The following TNRC6C variants were observed in gnomAD, a reference collection of about 807,000 sequenced individuals.
TNRC6C encodes the protein trinucleotide repeat-containing gene 6C protein.
A neutral mutation model predicts 153.7 loss-of-function variants in TNRC6C; 20 were observed. That is an observed-to-expected ratio of 0.13 (90% CI 0.09 to 0.19). The LOEUF (loss-of-function observed/expected upper bound fraction) is 0.19. Ranked by LOEUF, TNRC6C falls within the 10% of genes least tolerant of loss-of-function variation. The pLI is 1.00. For synonymous variants in TNRC6C, 811 were observed against 841.4 expected (o/e 0.96, Z 0.63); for missense variants, 1,987 against 2,172.0 (o/e 0.91, Z 1.69).
At chr17:78,059,724 C>A (rs2072728082) in intron 3 of TNRC6C, among the ~76,000 whole-genome samples, 1 of 151,816 alleles carries the variant, frequency 6.6e-6, no homozygotes, top group African/African-American at 2.4e-5. Context: ...TGGCACACGC[C>A]TCTAGTCCCG....
At position 78,078,818 on chromosome 17, in the gene TNRC6C, C is replaced by T. The variant is rs186207159; in HGVS notation, c.3211-577C>T. Among the ~76,000 whole-genome samples, 11 of 151,994 alleles carry T rather than the reference C, an allele frequency of 7.2e-5. 1 individual carries two copies. Among genetic ancestry groups the T allele is most frequent in the South Asian group, 4.2e-4 (2 of 4,810 alleles). On this transcript the variant is annotated intron_variant, in intron 9 of 19. Transcript: ENST00000301624. ...CGTCTCTACTAAAAACACAAAAATT[C>T]GGGGTGGCTCACACCTGTAATCCCA...
At chr17:78,038,195 T>G (rs1327181453) in intron 2 of TNRC6C, among the ~76,000 whole-genome samples, 1 of 152,148 alleles carries the variant, frequency 6.6e-6, no homozygotes, top group East Asian at 1.9e-4. Flanking sequence ...TTTAAAAGTT[T>G]TGTACATGAA....
intron 1 of TNRC6C, among the ~76,000 whole-genome samples, chr17:77,976,182 A>G (rs535897932): frequency 3.9e-5 from 6 of 152,298 alleles, no homozygotes; most frequent in Non-Finnish European, 8.8e-5. Context: ...TCTGTTTCTC[A>G]CTATCACACA....
At chr17:78,013,515 T>G (rs1035752235) in intron 1 of TNRC6C, among the ~76,000 whole-genome samples, 4 of 152,200 alleles carry the variant, frequency 2.6e-5, no homozygotes, top group Admixed American at 2.0e-4. Context: ...TGCTATTTGC[T>G]TGGTACTGTG....
At chr17:78,060,794 G>C (rs183141407) in intron 3 of TNRC6C, among the ~76,000 whole-genome samples, 1 of 152,236 alleles carries the variant, frequency 6.6e-6, no homozygotes, top group East Asian at 1.9e-4. Context: ...CACTTATAAA[G>C]CTATGTAAGT....
exon 20 of TNRC6C, chr17:78,105,016 G>C: frequency 1.4e-6 from 1 of 728,616 alleles, no homozygotes; most frequent in Non-Finnish European, 1.9e-6. Flanking sequence ...AAAACAGTGC[G>C]GGCTGCGGTG....
In TNRC6C at chr17:78,050,015, A is replaced by G. The variant is rs372230584; in HGVS notation, c.953A>G (p.Asn318Ser). The G allele has an allele frequency of 3.6e-5, 58 of 1,613,704 alleles. No individual in the cohort carries two copies. The East Asian group carries it at 9.4e-4, about 26-fold the overall frequency. ...GCCTGGGGAAGGGGCAGTGGCAACAATGGCGTTGGTAATATCCATTCAGGA... is the reference window on the plus strand; with the variant it reads ...GCCTGGGGAAGGGGCAGTGGCAACAGTGGCGTTGGTAATATCCATTCAGGA... Residue 318 changes from asparagine (N) to serine (S), a missense_variant, in exon 3 of 20, where the codon AAT (asparagine) becomes AGT (serine). Asn to Ser is a conservative substitution (Grantham distance 46). Coordinates refer to ENST00000301624, the Ensembl canonical transcript of TNRC6C.
At chr17:77,979,856 A>T (rs1265450914) in intron 1 of TNRC6C, among the ~76,000 whole-genome samples, 1 of 152,248 alleles carries the variant, frequency 6.6e-6, no homozygotes, top group Non-Finnish European at 1.5e-5. Flanking sequence ...AAGGAGCGGC[A>T]GTAAAGACGG....
chr17:78,000,615 T>TCCCCCCCC (rs1410836302), upstream of TNRC6C, among the ~76,000 whole-genome samples: 51 of 13,530 alleles, frequency 3.8e-3, 6 homozygotes, highest in South Asian at 0.01. Flanking sequence ...TCTTTCTCCC[T>TCCCCCCCC]CCGCCCCCCC....
At chr17:77,977,891 C>CTTTTTT (rs528315933) in intron 1 of TNRC6C, among the ~76,000 whole-genome samples, 15 of 114,142 alleles carry the variant, frequency 1.3e-4, no homozygotes, top group South Asian at 5.7e-4. Context: ...TTTAAAACCT[C>CTTTTTT]TTTTTTTTTT....
intron 10 of TNRC6C, among the ~76,000 whole-genome samples, chr17:78,082,074 T>C (rs939119901): frequency 2.0e-5 from 3 of 151,322 alleles, no homozygotes; most frequent in African/African-American, 7.3e-5. Context: ...AATATAATTA[T>C]TATTGCAGGA....
At chr17:77,969,318 C>G (rs958183362) in intron 1 of TNRC6C, among the ~76,000 whole-genome samples, 1 of 151,816 alleles carries the variant, frequency 6.6e-6, no homozygotes, top group Non-Finnish European at 1.5e-5. Flanking sequence ...GGCGCAATCT[C>G]GGCTCACTGC....
At chr17:77,973,306 T>G (rs946041168) in intron 1 of TNRC6C, among the ~76,000 whole-genome samples, 6 of 152,140 alleles carry the variant, frequency 3.9e-5, no homozygotes, top group Admixed American at 6.5e-5. Context: ...TGAGAAAAAC[T>G]TTCAACAAAT....
intron 17 of TNRC6C, among the ~76,000 whole-genome samples, chr17:78,101,696 T>G (rs1359114839): frequency 6.6e-6 from 1 of 152,138 alleles, no homozygotes; most frequent in African/African-American, 2.4e-5. Context: ...AAGTATCCCT[T>G]ATGGGAGATA....
chr17:77,997,978 A>C lies in TNRC6C; in HGVS notation c.-37-6192A>C, dbSNP rs528291699. On this transcript the variant is annotated intron_variant, in intron 1 of 22. Coordinates refer to the TNRC6C transcript ENST00000636222. ...CGACAACCATTTTATAATTTTTTTA[A>C]ATTTTGTTTCCTGTCATTCCTTTTA... Among the ~76,000 whole-genome samples, 190 of 152,078 alleles carry C rather than the reference A, an allele frequency of 1.2e-3. 5 individuals are homozygous for C. The South Asian group carries it at 0.018, about 14-fold the overall frequency.
At chr17:78,097,108 C>T (rs775143254) in intron 16 of TNRC6C, among the ~76,000 whole-genome samples, 22 of 152,100 alleles carry the variant, frequency 1.4e-4, no homozygotes, top group African/African-American at 5.1e-4. Context: ...CCTGTGACTC[C>T]GGAGGCTGAG....
upstream of TNRC6C, among the ~76,000 whole-genome samples, chr17:77,958,686 G>A (rs2070832404): frequency 6.6e-6 from 1 of 151,958 alleles, no homozygotes; most frequent in Admixed American, 6.5e-5. Flanking sequence ...TGAAGCGGGG[G>A]GAGGGGGGTT....
At position 78,013,491 on chromosome 17, in the gene TNRC6C, A is replaced by G. The variant is rs532356736; in HGVS notation, c.-546+8412A>G. ...TAACTAATCATTTGATCCAGCAGATATTTATTGAGCACCTGCTATTTGCTT... is the reference window on the plus strand; with the variant it reads ...TAACTAATCATTTGATCCAGCAGATGTTTATTGAGCACCTGCTATTTGCTT... On this transcript the variant is annotated intron_variant, in intron 1 of 19. Transcript: ENST00000301624. Among the ~76,000 whole-genome samples the G allele has an allele frequency of 2.0e-5, 3 of 152,338 alleles. No individual in the cohort carries two copies. The East Asian group carries it at 5.8e-4, about 29-fold the overall frequency.
At chr17:78,040,830 C>T (rs559201833) in intron 2 of TNRC6C, among the ~76,000 whole-genome samples, 4 of 152,208 alleles carry the variant, frequency 2.6e-5, no homozygotes, top group Middle Eastern at 3.4e-3. Flanking sequence ...TCCCATCCGT[C>T]CATGCCTCCG....
Sources: allele counts gnomAD v4.1 joint callset (sites outside exome capture counted in the v4.1 genomes callset), GRCh38; gene constraint gnomAD v4.1.1; transcripts MANE v1.5; gene names NCBI Gene and HGNC (gene_info 2026-07-23, HGNC 2026-07-21).